Variants in DICER1 observed in about 807,000 individuals in gnomAD.
The protein encoded by DICER1 is endoribonuclease Dicer.
Under a neutral mutation model 194.1 loss-of-function variants are expected in DICER1, and 43 were observed. The observed-to-expected ratio is 0.22, with a 90% CI of 0.17 to 0.29. The LOEUF (loss-of-function observed/expected upper bound fraction) is 0.29. DICER1 is among the 10% of genes least tolerant of loss of function. DICER1 has a pLI of 1.00. For missense variants in DICER1, 1,608 were observed against 2,317.0 expected (o/e 0.69, Z 6.28); for synonymous variants, 832 against 820.5 (o/e 1.01, Z -0.24).
At position 95,117,750 on chromosome 14, in the gene DICER1, T is replaced by A. The variant is rs141163928; in HGVS notation, c.1381A>T (p.Ile461Leu). 5 of 1,613,764 alleles carry A rather than the reference T, an allele frequency of 3.1e-6. No homozygotes were observed. In the East Asian group the frequency reaches 1.1e-4, roughly 36 times the overall value. The change falls in exon 9 of 27, where the codon ATA becomes TTA. Residue 461 changes from isoleucine to leucine, a missense_variant. Ile to Leu is a conservative substitution (Grantham distance 5). Coordinates refer to ENST00000343455, the MANE Select transcript of DICER1 (RefSeq NM_177438.3). ...GGATCTTGTTTGCCAGCTTCCTTTA[T>A]CAATCTAAGAAAATTATACACATTT... Reference protein sequence around the residue: ...RYTAVVLNRLIKEAGKQDPEL... With the variant: ...RYTAVVLNRLLKEAGKQDPEL...
chr14:95,156,102 G>A (rs184373118), intron 1 of DICER1, among the ~76,000 whole-genome samples: 4 of 152,226 alleles, frequency 2.6e-5, no homozygotes, highest in African/African-American at 4.8e-5. Flanking sequence ...AAAACTTAAC[G>A]TTTACACCAA....
At chr14:95,099,705 C>T in intron 22 of DICER1, 75 bp downstream of exon 22, 1 of 1,533,476 alleles carries the variant, frequency 6.5e-7, no homozygotes, top group Non-Finnish European at 8.7e-7. Flanking sequence ...AATTATTTGG[C>T]TCACCGAAAA....
At chr14:95,107,496 C>T (rs529806031) in intron 17 of DICER1, 112 bp downstream of exon 17, 16 of 1,023,380 alleles carry the variant, frequency 1.6e-5, no homozygotes, top group East Asian at 7.2e-5. Context: ...ATGATCTGCC[C>T]GCCTTGGCCT....
intron 1 of DICER1, among the ~76,000 whole-genome samples, chr14:95,137,386 A>AAAAGGT (rs1894476467): frequency 7.3e-6 from 1 of 137,152 alleles, no homozygotes; most frequent in Non-Finnish European, 1.6e-5. Context: ...AAGGGGAAGG[A>AAAAGGT]AAAGGTAAAG....
intron 1 of DICER1, among the ~76,000 whole-genome samples, chr14:95,143,973 G>A (rs1045598666): frequency 4.6e-5 from 7 of 152,096 alleles, no homozygotes; most frequent in Admixed American, 6.6e-5. Flanking sequence ...ATGAAAGTGG[G>A]CAAACAGCCA....
intron 26 of DICER1, 136 bp downstream of exon 26, chr14:95,090,894 TCAGA>T: frequency 1.0e-6 from 1 of 993,462 alleles, no homozygotes; most frequent in Non-Finnish European, 1.5e-6. Flanking sequence ...GAGAAGTCAA[TCAGA>T]TTACAAACAG....
rs191985735 is a variant in DICER1, at chr14:95,122,167, C to T, written c.1376+2029G>A. On this transcript the variant is annotated intron_variant, in intron 8 of 26. Transcript: ENST00000343455. Reference sequence around the variant, plus strand: ...AGTCACATTTTATGAAAGTTGATCACAATTCATCTGATCCTTAAAGTCAAT... The same window carrying T: ...AGTCACATTTTATGAAAGTTGATCATAATTCATCTGATCCTTAAAGTCAAT... Among the ~76,000 whole-genome samples the T allele has an allele frequency of 1.9e-3, 296 of 152,222 alleles. 1 individual carries two copies. Among genetic ancestry groups the T allele is most frequent in the Non-Finnish European group, 3.6e-3 (246 of 68,010 alleles).
intron 5 of DICER1, 101 bp downstream of exon 5, chr14:95,129,957 A>G (rs1205250014): frequency 5.4e-6 from 6 of 1,108,616 alleles, no homozygotes; most frequent in African/African-American, 4.7e-5. Context: ...CAAACTCCCA[A>G]TATTGATAAC....
At chr14:95,113,756 C>T (rs12882057) in intron 11 of DICER1, among the ~76,000 whole-genome samples, 1 of 152,196 alleles carries the variant, frequency 6.6e-6, no homozygotes, top group Non-Finnish European at 1.5e-5. Context: ...AAGGTTGGAA[C>T]AGGGCAGAAA....
intron 1 of DICER1, among the ~76,000 whole-genome samples, chr14:95,156,889 T>C (rs947125852): frequency 1.3e-5 from 2 of 152,034 alleles, no homozygotes; most frequent in Non-Finnish European, 2.9e-5. Context: ...TGACGGGACC[T>C]GTCAAGAGCC....
chr14:95,093,785 G>C (rs1357378705), intron 24 of DICER1, 103 bp downstream of exon 24: 1 of 1,276,020 alleles, frequency 7.8e-7, no homozygotes, highest in Non-Finnish European at 1.1e-6. Flanking sequence ...CCACACCCCT[G>C]ACCTCCTGCT....
Position 95,096,157 on chromosome 14 carries a change from A to T in DICER1, c.4763T>A (p.Leu1588Gln). The T allele has an allele frequency of 6.2e-7, 1 of 1,614,204 alleles. No homozygotes were observed. Among genetic ancestry groups the T allele is most frequent in the Non-Finnish European group, 8.5e-7 (1 of 1,180,022 alleles). Residue 1588 changes from leucine to glutamine, a missense_variant, in exon 23 of 27, where the codon CTG becomes CAG. Leu to Gln is a moderately radical substitution (Grantham distance 113). Coordinates refer to ENST00000343455, the MANE Select transcript of DICER1 (RefSeq NM_177438.3). Reference sequence around the variant, plus strand: ...CCTTTTAATTACCGGGAGCACCTTCAGCCCCAGTGAACAGAGGAAAAGCTG... The same window carrying T: ...CCTTTTAATTACCGGGAGCACCTTCTGCCCCAGTGAACAGAGGAAAAGCTG... ...AAQLFLCSLGLKVLPVIKRTD... is the reference protein window; with the variant it reads ...AAQLFLCSLGQKVLPVIKRTD...
In DICER1 at chr14:95,089,765, A is replaced by C. The variant is rs946714433; in HGVS notation, c.*733T>G. On this transcript the variant is annotated 3_prime_UTR_variant, in exon 27 of 27. Coordinates refer to ENST00000343455, the MANE Select transcript of DICER1 (RefSeq NM_177438.3). ...TCAACGTCTAATGCATAATAAAATGAAAGGAATGTAAAACAGTTTGTTCCA... is the reference window on the plus strand; with the variant it reads ...TCAACGTCTAATGCATAATAAAATGCAAGGAATGTAAAACAGTTTGTTCCA... The C allele has an allele frequency of 4.3e-6, 1 of 232,240 alleles. No individual in the cohort carries two copies. The highest frequency in any genetic ancestry group is 2.2e-5 in the African/African-American group (1 of 45,288). The allele number at this position is 232,240 out of a possible 1,614,324, so 14.4% of individuals were successfully genotyped here.
intron 2 of DICER1, among the ~76,000 whole-genome samples, 198 bp from the exon 3 acceptor site, chr14:95,132,875 T>C (rs559300441): frequency 9.2e-5 from 14 of 152,344 alleles, no homozygotes; most frequent in Admixed American, 6.5e-4. Flanking sequence ...TACAGCTGTA[T>C]TGTGTAAATA....
intron 1 of DICER1, among the ~76,000 whole-genome samples, chr14:95,144,489 T>C (rs929035729): frequency 2.0e-5 from 3 of 152,114 alleles, no homozygotes; most frequent in African/African-American, 4.8e-5. Flanking sequence ...TTAAACTTAG[T>C]AGAGAGAAAA....
intron 2 of DICER1, among the ~76,000 whole-genome samples, 153 bp downstream of exon 2, chr14:95,133,162 G>A (rs1284151426): frequency 1.3e-5 from 2 of 152,156 alleles, no homozygotes; most frequent in African/African-American, 4.8e-5. Context: ...AAAAGAAAAG[G>A]ACTATTAAGA....
intron 8 of DICER1, among the ~76,000 whole-genome samples, chr14:95,118,596 C>T (rs1172318537): frequency 1.3e-5 from 2 of 152,136 alleles, no homozygotes; most frequent in Non-Finnish European, 2.9e-5. Context: ...AGCTACGGGA[C>T]GGGATCACAT....
At chr14:95,101,156 A>G (rs1206116403) in intron 21 of DICER1, among the ~76,000 whole-genome samples, 1 of 152,216 alleles carries the variant, frequency 6.6e-6, no homozygotes, top group Non-Finnish European at 1.5e-5. Context: ...CCTCTGCAGA[A>G]GGAAGGACAG....
intron 6 of DICER1, 21 bp downstream of exon 6, chr14:95,129,451 G>A (rs2140259096): frequency 6.2e-7 from 1 of 1,611,116 alleles, no homozygotes; most frequent in South Asian, 1.1e-5. Flanking sequence ...CATTAAAGCT[G>A]AGTCAATCAG....
Sources: allele counts gnomAD v4.1 joint callset (sites outside exome capture counted in the v4.1 genomes callset), GRCh38; gene constraint gnomAD v4.1.1; transcripts MANE v1.5; gene names NCBI Gene and HGNC (gene_info 2026-07-23, HGNC 2026-07-21).